The following ITGA8 variants were observed in gnomAD, a reference collection of about 807,000 sequenced individuals.
ITGA8 encodes integrin alpha-8.
Under a neutral mutation model 142.3 loss-of-function variants are expected in ITGA8, and 91 were observed. That is an observed-to-expected ratio of 0.64 (90% CI 0.54 to 0.76). The LOEUF (loss-of-function observed/expected upper bound fraction) is 0.76, where lower values mean the gene tolerates loss of function less well. Ranked by LOEUF, ITGA8 falls within the 30% of genes least tolerant of loss-of-function variation. ITGA8 has a pLI of 0.00. For missense variants in ITGA8, 1,406 were observed against 1,327.7 expected, an observed-to-expected ratio of 1.06 and a Z score of -0.92; for synonymous variants, 505 against 485.2, an observed-to-expected ratio of 1.04 and a Z score of -0.54.
At chr10:15,715,286 C>T (rs1440730827) in intron 2 of ITGA8, among the ~76,000 whole-genome samples, 1 of 152,034 alleles carries the variant, frequency 6.6e-6, no homozygotes, top group African/African-American at 2.4e-5. Context: ...TCCTTTCCAA[C>T]CCCTCTCTGG....
At chr10:15,707,303 G>C (rs976101056) in intron 2 of ITGA8, among the ~76,000 whole-genome samples, 30 of 152,162 alleles carry the variant, frequency 2.0e-4, no homozygotes, top group African/African-American at 6.5e-4. Context: ...TCAGGTGGAA[G>C]AAGAGGCCAA....
intron 15 of ITGA8, among the ~76,000 whole-genome samples, chr10:15,613,403 A>G (rs1238079697): frequency 6.6e-6 from 1 of 152,120 alleles, no homozygotes. Flanking sequence ...GAGCCTATAG[A>G]TTAGAGAAGT....
At chr10:15,548,901 A>T (rs925220265) in intron 26 of ITGA8, among the ~76,000 whole-genome samples, 7 of 152,134 alleles carry the variant, frequency 4.6e-5, no homozygotes, top group Non-Finnish European at 1.0e-4. Flanking sequence ...TGGGTTCAGC[A>T]AGTCTGGAAG....
rs148038395 is a variant in ITGA8 at position 15,677,982 on chromosome 10, C to T, written c.631-345G>A. Among the ~76,000 whole-genome samples, 14 of 152,182 alleles carry T rather than the reference C, an allele frequency of 9.2e-5. No individual in the cohort carries two copies. The South Asian group carries it at 1.0e-3, about 11-fold the overall frequency. Reference sequence around the variant, plus strand: ...TTGCAGACATGGTCTTTTGAGCCTTCGTGATAGAAATAAAATTCTGTTCCA... The same window carrying T: ...TTGCAGACATGGTCTTTTGAGCCTTTGTGATAGAAATAAAATTCTGTTCCA... On this transcript the variant is annotated intron_variant, in intron 5 of 29. Coordinates refer to ENST00000378076, the MANE Select transcript of ITGA8 (RefSeq NM_003638.3).
chr10:15,664,239 C>G (rs1435990632), intron 8 of ITGA8, among the ~76,000 whole-genome samples: 1 of 151,736 alleles, frequency 6.6e-6, no homozygotes, highest in Non-Finnish European at 1.5e-5. Context: ...GGTTTAAACC[C>G]AAGAGGTCTG....
chr10:15,662,063 C>T (rs924918255), intron 8 of ITGA8, among the ~76,000 whole-genome samples: 4 of 152,072 alleles, frequency 2.6e-5, no homozygotes, highest in Non-Finnish European at 4.4e-5. Context: ...CCACAAACAT[C>T]GGGAATTTTG....
chr10:15,650,001 A>G (rs1834057073), intron 11 of ITGA8, among the ~76,000 whole-genome samples: 1 of 152,240 alleles, frequency 6.6e-6, no homozygotes, highest in South Asian at 2.1e-4. Context: ...AAAAATGTGC[A>G]TAGAATAATT....
chr10:15,577,657 G>T (rs1834325530), intron 23 of ITGA8, among the ~76,000 whole-genome samples: 1 of 152,006 alleles, frequency 6.6e-6, no homozygotes, highest in Non-Finnish European at 1.5e-5. Flanking sequence ...GTAAACAATG[G>T]TTCTCTAAAG....
Position 15,606,290 on chromosome 10 carries a change from C to CATT in ITGA8, c.1896_1897insAAT (p.Ser632_Glu633insAsn). 1 of 1,604,866 alleles carries CATT rather than the reference C, an allele frequency of 6.2e-7. No individual in the cohort carries two copies. The highest frequency in any genetic ancestry group is 8.5e-7 in the Non-Finnish European group (1 of 1,172,720). ...AAAGACTGTGAAGGACTTACCTGTT[C>CATT]ACTAACAATGTTTTCTCTGTAGTAG... On this transcript the variant is annotated inframe_insertion, in exon 18 of 30. Transcript: ENST00000378076.
chr10:15,648,170 T>C (rs1281535257), intron 11 of ITGA8, among the ~76,000 whole-genome samples: 1 of 152,140 alleles, frequency 6.6e-6, no homozygotes, highest in Non-Finnish European at 1.5e-5. Context: ...TGTTTTAAAA[T>C]TTTACAAGTC....
chr10:15,642,599 A>G (rs1041002853), intron 13 of ITGA8, among the ~76,000 whole-genome samples: 4 of 152,208 alleles, frequency 2.6e-5, no homozygotes, highest in African/African-American at 9.6e-5. Flanking sequence ...AGTAATAACA[A>G]CTAACCACCA....
intron 25 of ITGA8, among the ~76,000 whole-genome samples, chr10:15,570,810 A>G (rs1351775085): frequency 6.6e-6 from 1 of 152,166 alleles, no homozygotes; most frequent in Non-Finnish European, 1.5e-5. Flanking sequence ...GTTACATAAT[A>G]TATACAAACA....
chr10:15,672,383 A>G (rs773666382), intron 7 of ITGA8, among the ~76,000 whole-genome samples: 1 of 152,204 alleles, frequency 6.6e-6, no homozygotes, highest in Non-Finnish European at 1.5e-5. Flanking sequence ...TACTGGTGAA[A>G]TAGTTCATGT....
intron 26 of ITGA8, among the ~76,000 whole-genome samples, chr10:15,555,703 T>C (rs1468328907): frequency 9.8e-4 from 1 of 1,018 alleles, no homozygotes; most frequent in Non-Finnish European, 0.042. Flanking sequence ...CACCTTCCCT[T>C]TTTTTTTTTT....
At position 15,671,126 on chromosome 10, in the gene ITGA8, A is replaced by AG. The variant is rs1304457543; in HGVS notation, c.847+476dup. Among the ~76,000 whole-genome samples, 8 of 152,346 alleles carry AG rather than the reference A, an allele frequency of 5.3e-5. No individual in the cohort carries two copies. In the South Asian group the frequency reaches 1.2e-3, roughly 24 times the overall value. On this transcript the variant is annotated intron_variant, in intron 8 of 29. Coordinates refer to ENST00000378076, the MANE Select transcript of ITGA8 (RefSeq NM_003638.3). ...AGCAAAGCAGAGAAGACAGGACAGA[A>AG]GGGATATACAGGAGATAGGGATTCG...
At chr10:15,669,896 G>T (rs542643561) in intron 8 of ITGA8, among the ~76,000 whole-genome samples, 1 of 152,144 alleles carries the variant, frequency 6.6e-6, no homozygotes, top group South Asian at 2.1e-4. Context: ...AGGACTACCC[G>T]GCCGTGTGAG....
Position 15,671,631 on chromosome 10 carries a change from A to T in ITGA8, c.819T>A (p.Ala273=), listed in dbSNP as rs778370097. 6.2e-7 allele frequency: 1 copy of T among 1,612,800 alleles called. No homozygotes were observed. Among genetic ancestry groups the T allele is most frequent in the African/African-American group, 1.3e-5 (1 of 74,988 alleles). ...DDSYLGYSVA[A]GEFTGDSQQE... is the part of the protein sequence containing the mutation. Reference sequence around the variant, plus strand: ...GCTGAGAATCCCCAGTAAACTCCCCAGCAGCAACTGAGTATCCTGTTTTAA... The same window carrying T: ...GCTGAGAATCCCCAGTAAACTCCCCTGCAGCAACTGAGTATCCTGTTTTAA... Residue 273 remains alanine, a synonymous_variant, in exon 8 of 30, where the codon GCT becomes GCA. Transcript: ENST00000378076.
intron 2 of ITGA8, among the ~76,000 whole-genome samples, chr10:15,717,529 C>T (rs1281764281): frequency 6.6e-6 from 1 of 152,046 alleles, no homozygotes; most frequent in African/African-American, 2.4e-5. Flanking sequence ...TTTAATCTTC[C>T]TGGTTGCTAA....
At chr10:15,659,369 T>C (rs545265673) in intron 9 of ITGA8, among the ~76,000 whole-genome samples, 4 of 152,346 alleles carry the variant, frequency 2.6e-5, no homozygotes, top group Admixed American at 2.0e-4. Context: ...GTCAGGATTT[T>C]TGTCCAAATC....
Sources: allele counts gnomAD v4.1 joint callset (sites outside exome capture counted in the v4.1 genomes callset), GRCh38; gene constraint gnomAD v4.1.1; transcripts MANE v1.5; gene names NCBI Gene and HGNC (gene_info 2026-07-23, HGNC 2026-07-21).